SGK1: variants seen among roughly 807,000 people sequenced by gnomAD.
SGK1 encodes serine/threonine-protein kinase Sgk1.
Under a neutral mutation model 64.2 loss-of-function variants are expected in SGK1, and 26 were observed. The ratio of observed to expected loss-of-function variants is 0.40; its 90% CI spans 0.30 to 0.56. The LOEUF (loss-of-function observed/expected upper bound fraction) is 0.56. SGK1 is among the 20% of genes least tolerant of loss of function. The pLI, the probability that SGK1 is intolerant of heterozygous loss-of-function variation, is 0.38. For missense variants in SGK1, 519 were observed against 645.6 expected (o/e 0.80, Z 2.12); for synonymous variants, 265 against 239.7 (o/e 1.11, Z -0.98).
intron 2 of SGK1, among the ~76,000 whole-genome samples, chr6:134,210,644 T>C (rs898453394): frequency 1.3e-5 from 2 of 150,024 alleles, no homozygotes; most frequent in African/African-American, 4.9e-5. Context: ...GCAAACATGG[T>C]GAAACCCCAT....
intron 3 of SGK1, among the ~76,000 whole-genome samples, chr6:134,198,917 G>A (rs892363633): frequency 2.0e-5 from 3 of 151,562 alleles, no homozygotes; most frequent in African/African-American, 4.8e-5. Context: ...ACAAGGTGTC[G>A]CTCCGTCACC....
chr6:134,186,007 C>T (rs1775417792), intron 3 of SGK1, among the ~76,000 whole-genome samples: 2 of 151,962 alleles, frequency 1.3e-5, no homozygotes, highest in Admixed American at 1.3e-4. Flanking sequence ...CTACTTAGTC[C>T]ACCCAGACTC....
intron 3 of SGK1, chr6:134,174,826 G>T (rs368205570): frequency 1.2e-6 from 2 of 1,613,762 alleles, no homozygotes; most frequent in Non-Finnish European, 1.7e-6. Context: ...CGGGGAGACA[G>T]AAAGACGTTA....
intron 2 of SGK1, among the ~76,000 whole-genome samples, chr6:134,245,775 G>A (rs917266807): frequency 1.3e-5 from 2 of 152,184 alleles, no homozygotes; most frequent in Non-Finnish European, 2.9e-5. Context: ...TGGATAGCTT[G>A]AGCCCAGGAG....
chr6:134,308,607 C>T (rs1777568212), intron 1 of SGK1, among the ~76,000 whole-genome samples: 1 of 152,036 alleles, frequency 6.6e-6, no homozygotes, highest in Non-Finnish European at 1.5e-5. Flanking sequence ...CCCAGCCTGG[C>T]GTGAAGTGGT....
Position 134,172,731 on chromosome 6 carries a change from C to G in SGK1, c.878G>C (p.Arg293Pro), listed in dbSNP as rs775999779. Residue 293 changes from arginine to proline, a missense_variant, in exon 9 of 14, where the codon CGG becomes CCG. By Grantham distance (103) the Arg-to-Pro change is moderately radical. Around this residue, in one of 2 missense-constraint regions of SGK1, gnomAD observed 278 missense variants for 408.7 expected, o/e 0.68. Transcript: ENST00000367858. ...LQRERCFLEP[R>P]ARFYAAEIAS... is the part of the protein sequence containing the mutation. ...TATTTCAGCAGCATAGAAACGAGCC[C>G]GTGGTTCCAGGAAGCAGCGTTCCCT... 1.2e-6 allele frequency: 2 copies of G among 1,613,968 alleles called. No individual in the cohort carries two copies. Among genetic ancestry groups the G allele is most frequent in the Non-Finnish European group, 1.7e-6 (2 of 1,179,966 alleles).
chr6:134,277,521 G>A (rs555663119), intron 1 of SGK1, among the ~76,000 whole-genome samples: 1 of 152,192 alleles, frequency 6.6e-6, no homozygotes, highest in Non-Finnish European at 1.5e-5. Context: ...GCAGACCCAG[G>A]CAGGTGTGAG....
rs531090860 is a variant in SGK1 at position 134,264,958 on chromosome 6, T to C, written c.70-2810A>G. ...CCACCATGCCCAGCCTGCAATTAAC[T>C]TTTTAAAAAACACTGAGGATAAACT... On this transcript the variant is annotated intron_variant, in intron 1 of 13. Coordinates refer to ENST00000367858, the MANE Select transcript of SGK1 (RefSeq NM_001143676.3). Among the ~76,000 whole-genome samples, 5 of 152,322 alleles carry C rather than the reference T, an allele frequency of 3.3e-5. No homozygotes were observed. In the East Asian group the frequency reaches 9.6e-4, roughly 29 times the overall value.
rs775999779 is a variant in SGK1, at chr6:134,172,731, C to T, written c.878G>A (p.Arg293Gln). The T allele has an allele frequency of 3.1e-6, 5 of 1,614,086 alleles. No individual in the cohort carries two copies. The highest frequency in any genetic ancestry group is 4.5e-5 in the East Asian group (2 of 44,890). The change falls in exon 9 of 14, where the codon CGG (arginine) becomes CAG (glutamine). Residue 293 changes from arginine to glutamine, a missense_variant. Physicochemically the swap from Arg to Gln is conservative, Grantham distance 43. This residue lies in a region of SGK1 where 278 missense variants were observed against 408.7 expected (regional missense o/e 0.68). Transcript: ENST00000367858. ...LQRERCFLEP[R>Q]ARFYAAEIAS... ...TATTTCAGCAGCATAGAAACGAGCC[C>T]GTGGTTCCAGGAAGCAGCGTTCCCT...
At chr6:134,177,604 T>A (rs2114649203) in intron 3 of SGK1, 1 of 1,402,404 alleles carries the variant, frequency 7.1e-7, no homozygotes, top group East Asian at 2.3e-5. Context: ...GCCTTCCCCA[T>A]GCCAAGTAAC....
chr6:134,208,787 TAC>T (rs1332414233), intron 2 of SGK1, among the ~76,000 whole-genome samples: 43 of 150,994 alleles, frequency 2.8e-4, no homozygotes, highest in African/African-American at 7.5e-4. Flanking sequence ...TATATAGATA[TAC>T]ACACACACAT....
At chr6:134,240,779 T>C (rs1340304192) in intron 2 of SGK1, among the ~76,000 whole-genome samples, 5 of 152,160 alleles carry the variant, frequency 3.3e-5, no homozygotes, top group African/African-American at 1.2e-4. Flanking sequence ...AGAAAAACGA[T>C]TACATCAGGC....
intron 2 of SGK1, among the ~76,000 whole-genome samples, chr6:134,224,818 C>T (rs952542821): frequency 3.3e-5 from 5 of 150,132 alleles, no homozygotes; most frequent in South Asian, 2.1e-4. Flanking sequence ...GTCAGGAGAT[C>T]GAGACTATCC....
At chr6:134,279,130 C>T (rs1019237013) in intron 1 of SGK1, among the ~76,000 whole-genome samples, 1 of 152,130 alleles carries the variant, frequency 6.6e-6, no homozygotes, top group African/African-American at 2.4e-5. Context: ...ATCACTTAAA[C>T]TCAGAAGTTC....
intron 2 of SGK1, among the ~76,000 whole-genome samples, chr6:134,244,883 C>T (rs1350324066): frequency 6.6e-6 from 1 of 152,210 alleles, no homozygotes; most frequent in Non-Finnish European, 1.5e-5. Flanking sequence ...TCAAGTGATT[C>T]TCCTGCCTCA....
rs551692250 is a variant in SGK1, at chr6:134,269,983, G to A, written c.70-7835C>T. 2.7e-5 allele frequency among the ~76,000 whole-genome samples: 4 copies of A among 147,166 alleles called. 1 individual carries two copies. Among genetic ancestry groups the A allele is most frequent in the Non-Finnish European group, 3.0e-5 (2 of 66,504 alleles). ...GTTGACCAGGCTGGAGCGCAATGGCGCGATCTCAGCTCACTGCAACCTCCG... is the reference window on the plus strand; with the variant it reads ...GTTGACCAGGCTGGAGCGCAATGGCACGATCTCAGCTCACTGCAACCTCCG... On this transcript the variant is annotated intron_variant, in intron 1 of 13. Coordinates refer to ENST00000367858, the MANE Select transcript of SGK1 (RefSeq NM_001143676.3).
At chr6:134,183,731 G>A (rs909441663) in intron 3 of SGK1, among the ~76,000 whole-genome samples, 3 of 151,854 alleles carry the variant, frequency 2.0e-5, no homozygotes, top group African/African-American at 7.3e-5. Flanking sequence ...GTTCTATGAT[G>A]TCTGGGAAAA....
intron 1 of SGK1, among the ~76,000 whole-genome samples, chr6:134,284,663 T>G (rs897680097): frequency 5.3e-5 from 8 of 152,070 alleles, no homozygotes; most frequent in Non-Finnish European, 1.2e-4. Context: ...TTTTGTATTT[T>G]TAGTTGAGAC....
In SGK1 at chr6:134,270,233, C is replaced by T. The variant is rs1483245338; in HGVS notation, c.70-8085G>A. Among the ~76,000 whole-genome samples the T allele has an allele frequency of 2.0e-5, 3 of 147,932 alleles. No homozygotes were observed. The Admixed American group carries it at 2.1e-4, about 10-fold the overall frequency. On this transcript the variant is annotated intron_variant, in intron 1 of 13. Coordinates refer to ENST00000367858, the MANE Select transcript of SGK1 (RefSeq NM_001143676.3). The stretch of plus-strand genomic sequence containing the variant: ...GTGAGCCACCGCACCAGGCCTATTA[C>T]TGTCTTTTCTCTAGTGTTTGTAGTG...
Sources: gnomAD v4.1 joint callset for allele counts (sites outside exome capture counted in the v4.1 genomes callset) on GRCh38, gnomAD v4.1.1 for gene constraint, gnomAD v4.1.1 regional missense constraint, MANE v1.5 for transcripts, NCBI Gene and HGNC (gene_info 2026-07-23, HGNC 2026-07-21) for gene names.